Variants in EPC1 observed in about 807,000 individuals in gnomAD.
The protein encoded by EPC1 is enhancer of polycomb homolog 1.
EPC1 carries 12 observed loss-of-function variants against 98.4 expected under a neutral mutation model. The ratio of observed to expected loss-of-function variants is 0.12; its 90% CI spans 0.08 to 0.20. The LOEUF (loss-of-function observed/expected upper bound fraction) is 0.20, where lower values mean the gene tolerates loss of function less well. EPC1 is among the 10% of genes least tolerant of loss of function. The pLI, the probability that EPC1 is intolerant of heterozygous loss-of-function variation, is 1.00. For synonymous variants in EPC1, 357 were observed against 363.9 expected (o/e 0.98, Z 0.21); for missense variants, 729 against 990.5 (o/e 0.74, Z 3.54).
At chr10:32,338,123 A>C (rs1838090613) in intron 1 of EPC1, among the ~76,000 whole-genome samples, 1 of 150,444 alleles carries the variant, frequency 6.6e-6, no homozygotes. Context: ...ATCAGGACGA[A>C]AGAGGCACAT....
At chr10:32,288,829 C>T (rs991077937) in intron 6 of EPC1, among the ~76,000 whole-genome samples, 73 of 151,732 alleles carry the variant, frequency 4.8e-4, no homozygotes, top group Non-Finnish European at 9.1e-4. Context: ...GTGGCTCATG[C>T]CTGTAATCCC....
rs772626611 is a variant in EPC1, at chr10:32,273,156, C to T, written c.1863+7G>A. 37 of 1,614,042 alleles carry T rather than the reference C, an allele frequency of 2.3e-5. No individual in the cohort carries two copies. The highest frequency in any genetic ancestry group is 3.1e-5 in the Non-Finnish European group (36 of 1,179,976). On this transcript the variant is annotated splice_region_variant and intron_variant, in intron 11 of 13. Transcript: ENST00000319778. ...AGGGATAATCATAAGACAGACAAATCCCTCACCTGTGATGTGTTGGTGGAG... is the reference window on the plus strand; with the variant it reads ...AGGGATAATCATAAGACAGACAAATTCCTCACCTGTGATGTGTTGGTGGAG...
intron 1 of EPC1, among the ~76,000 whole-genome samples, chr10:32,356,647 C>T (rs949212201): frequency 6.6e-6 from 1 of 152,092 alleles, no homozygotes; most frequent in African/African-American, 2.4e-5. Flanking sequence ...TGAGCTGAGC[C>T]GTGAATTGGA....
At chr10:32,292,202 AAAG>A (rs954114040) in intron 5 of EPC1, 3 of 171,784 alleles carry the variant, frequency 1.7e-5, no homozygotes, top group African/African-American at 7.1e-5. Flanking sequence ...ATGCATTAAA[AAAG>A]AAGCAGTACT....
At chr10:32,336,700 T>C (rs1471779894) in intron 1 of EPC1, among the ~76,000 whole-genome samples, 2 of 152,138 alleles carry the variant, frequency 1.3e-5, no homozygotes, top group Non-Finnish European at 2.9e-5. Context: ...TAATCAACTC[T>C]TAACGACTGA....
intron 6 of EPC1, among the ~76,000 whole-genome samples, chr10:32,290,505 A>AAAAAAAAAAAAAAAAAAAAAGAAAGAAAG (rs1554819136): frequency 4.5e-4 from 35 of 77,520 alleles, no homozygotes; most frequent in Non-Finnish European, 6.5e-4. Flanking sequence ...AAAAAAAAAA[A>AAAAAAAAAAAAAAAAAAAAAGAAAGAAAG]AAAGAAAGAA....
At chr10:32,314,696 C>T (rs897296236) in intron 1 of EPC1, among the ~76,000 whole-genome samples, 1 of 152,170 alleles carries the variant, frequency 6.6e-6, no homozygotes, top group Non-Finnish European at 1.5e-5. Flanking sequence ...CTGCTCTAAA[C>T]AGGCCATATC....
chr10:32,331,643 A>G (rs1837648861), intron 1 of EPC1, among the ~76,000 whole-genome samples: 2 of 152,234 alleles, frequency 1.3e-5, no homozygotes. Context: ...AAGTATTTTA[A>G]TATTTACAAC....
At position 32,301,088 on chromosome 10, in the gene EPC1, A is replaced by G. The variant is rs148936290; in HGVS notation, c.313+4684T>C. On this transcript the variant is annotated intron_variant, in intron 2 of 13. Coordinates refer to ENST00000319778, the MANE Select transcript of EPC1 (RefSeq NM_001272004.3). Reference sequence around the variant, plus strand: ...TATCTATCTATCTATCTATCTATCTATCTGCCTGCCTACCTACCTACGTAC... The same window carrying G: ...TATCTATCTATCTATCTATCTATCTGTCTGCCTGCCTACCTACCTACGTAC... Among the ~76,000 whole-genome samples, 326 of 147,708 alleles carry G rather than the reference A, an allele frequency of 2.2e-3. 1 individual carries two copies. Among genetic ancestry groups the G allele is most frequent in the African/African-American group, 3.3e-3 (127 of 39,030 alleles).
rs1323061217 is a variant in EPC1, at chr10:32,291,280, A to G, written c.858T>C (p.Val286=). The G allele has an allele frequency of 1.2e-6, 2 of 1,613,844 alleles. No individual in the cohort carries two copies. The highest frequency in any genetic ancestry group is 1.3e-5 in the African/African-American group (1 of 74,932). ...GDYNGEIMSE[V]MAQRQPMKPT... The stretch of plus-strand genomic sequence containing the variant: ...GTTTCATTGGCTGTCTCTGTGCCAT[A>G]ACCTCAGACATGATCTCTCCATTGT... Residue 286 remains valine, a synonymous_variant, in exon 6 of 14, where the codon GTT becomes GTC. Transcript: ENST00000319778.
chr10:32,288,811 C>T (rs573155630), intron 6 of EPC1, among the ~76,000 whole-genome samples: 82 of 149,886 alleles, frequency 5.5e-4, no homozygotes, highest in African/African-American at 1.8e-3. Context: ...AGTGGGAGGT[C>T]GGGTGGGGTG....
intron 10 of EPC1, among the ~76,000 whole-genome samples, chr10:32,281,136 G>C (rs1222022735): frequency 2.0e-5 from 3 of 152,190 alleles, no homozygotes; most frequent in Admixed American, 1.3e-4. Flanking sequence ...CTGGGTTCAA[G>C]TGGTTTTCCT....
chr10:32,373,673 C>A (rs1839811971), intron 1 of EPC1, among the ~76,000 whole-genome samples: 1 of 152,168 alleles, frequency 6.6e-6, no homozygotes, highest in Non-Finnish European at 1.5e-5. Flanking sequence ...GAGTAACTCT[C>A]CTCACTTTGG....
At position 32,271,935 on chromosome 10, in the gene EPC1, G is replaced by A. The variant is rs750617441; in HGVS notation, c.2006-18C>T. ...GTATACTCCTAGAGAGAAAAAGAAAGAAACATCTAAACAATGTACAACTTT... is the reference window on the plus strand; with the variant it reads ...GTATACTCCTAGAGAGAAAAAGAAAAAAACATCTAAACAATGTACAACTTT... On this transcript the variant is annotated intron_variant, in intron 12 of 13. Transcript: ENST00000319778. 5.6e-6 allele frequency: 9 copies of A among 1,605,222 alleles called. No individual in the cohort carries two copies. The African/African-American group carries it at 1.1e-4, about 19-fold the overall frequency.
chr10:32,330,803 G>T (rs567018822), intron 1 of EPC1, among the ~76,000 whole-genome samples: 12 of 151,966 alleles, frequency 7.9e-5, no homozygotes, highest in Admixed American at 2.6e-4. Context: ...AAGAATTAAG[G>T]TTCAACTGAG....
chr10:32,344,523 T>A (rs1370501089), intron 1 of EPC1, among the ~76,000 whole-genome samples: 2 of 151,036 alleles, frequency 1.3e-5, no homozygotes, highest in African/African-American at 2.4e-5. Context: ...CGGTGGCTCA[T>A]GCCTGTAATC....
intron 1 of EPC1, among the ~76,000 whole-genome samples, chr10:32,334,173 G>A (rs141009005): frequency 1.3e-5 from 2 of 152,300 alleles, no homozygotes; most frequent in Non-Finnish European, 2.9e-5. Context: ...ACAGACCAGG[G>A]ATTCCCTTGT....
At chr10:32,271,331 T>C (rs1040760052) in intron 13 of EPC1, among the ~76,000 whole-genome samples, 1 of 152,198 alleles carries the variant, frequency 6.6e-6, no homozygotes, top group African/African-American at 2.4e-5. Flanking sequence ...CCAAATCATA[T>C]ATGCAACATT....
At chr10:32,319,521 C>T (rs774354297) in intron 1 of EPC1, among the ~76,000 whole-genome samples, 4 of 152,034 alleles carry the variant, frequency 2.6e-5, no homozygotes, top group Non-Finnish European at 5.9e-5. Context: ...CATGGGGACA[C>T]GATATCCCTT....
Sources: gnomAD v4.1 joint callset for allele counts (sites outside exome capture counted in the v4.1 genomes callset) on GRCh38, gnomAD v4.1.1 for gene constraint, MANE v1.5 for transcripts, NCBI Gene and HGNC (gene_info 2026-07-23, HGNC 2026-07-21) for gene names.